HAUS8: variants seen among roughly 807,000 people sequenced by gnomAD.
The protein encoded by HAUS8 is HAUS augmin-like complex subunit 8.
A neutral mutation model predicts 42.9 loss-of-function variants in HAUS8; 38 were observed. That is an observed-to-expected ratio of 0.89 (90% CI 0.68 to 1.16). The LOEUF (loss-of-function observed/expected upper bound fraction) is 1.16, where lower values mean the gene tolerates loss of function less well. Among genes scored for constraint, HAUS8 ranks in the 50% most tolerant of loss-of-function variants. HAUS8 has a pLI of 0.00. For missense variants in HAUS8, 494 were observed against 511.6 expected, an observed-to-expected ratio of 0.97 and a Z score of 0.33; for synonymous variants, 199 against 205.8, an observed-to-expected ratio of 0.97 and a Z score of 0.28.
rs889723027 is a variant in HAUS8 at position 17,068,099 on chromosome 19, C to CTTTTT, written c.147+927_147+931dup. Among the ~76,000 whole-genome samples, 53 of 93,512 alleles carry CTTTTT rather than the reference C, an allele frequency of 5.7e-4. 1 individual carries two copies. The highest frequency in any genetic ancestry group is 7.2e-4 in the Non-Finnish European group (34 of 47,534). 61.3% of individuals were successfully genotyped at this position (93,512 alleles called of 152,430 possible). ...TAAAAACCTGTTTTTTTATTTTATT[C>CTTTTT]TTTTTTTTTTTTTTTTTTTTTTTTG... On this transcript the variant is annotated intron_variant, in intron 3 of 10. Transcript: ENST00000253669.
intron 4 of HAUS8, among the ~76,000 whole-genome samples, chr19:17,061,645 G>A (rs757073197): frequency 6.6e-6 from 1 of 152,182 alleles, no homozygotes; most frequent in African/African-American, 2.4e-5. Flanking sequence ...CTTCCTTGCG[G>A]TGGTGGGGGT....
chr19:17,052,752 C>T, intron 10 of HAUS8, 73 bp downstream of exon 10: 1 of 1,546,254 alleles, frequency 6.5e-7, no homozygotes, highest in Non-Finnish European at 8.9e-7. Flanking sequence ...TCGGCACCAC[C>T]CCAACAGTGC....
intron 2 of HAUS8, among the ~76,000 whole-genome samples, chr19:17,072,648 T>C (rs2057434400): frequency 6.6e-6 from 1 of 150,960 alleles, no homozygotes. Flanking sequence ...CCACATTTCC[T>C]TTTTTTTTGT....
intron 4 of HAUS8, among the ~76,000 whole-genome samples, chr19:17,062,274 G>T (rs2057365392): frequency 6.6e-6 from 1 of 152,166 alleles, no homozygotes; most frequent in African/African-American, 2.4e-5. Flanking sequence ...TGGGATTATA[G>T]GCGTGTGCCA....
In HAUS8 at chr19:17,075,427, C is replaced by T. The variant is rs747244854; in HGVS notation, c.-5G>A. ...TCGCCCCGAGGAATCCGCCATTTTC[C>T]CGCCTTCCACCTCAAGGCCCGACCC... On this transcript the variant is annotated 5_prime_UTR_variant, in exon 1 of 11. Transcript: ENST00000253669. The T allele has an allele frequency of 5.6e-6, 9 of 1,613,786 alleles. 1 individual carries two copies. The South Asian group carries it at 8.8e-5, about 16-fold the overall frequency.
chr19:17,051,868 T>G (rs961948573), intron 10 of HAUS8: 1 of 151,640 alleles, frequency 6.6e-6, no homozygotes, highest in Non-Finnish European at 1.5e-5. Context: ...AGGCCCGGCA[T>G]GGTGGCTCAC....
chr19:17,075,475 C>T, upstream of HAUS8: 1 of 1,604,828 alleles, frequency 6.2e-7, no homozygotes, highest in Non-Finnish European at 8.5e-7. Context: ...AAGCCGGACC[C>T]GCCCCCTTGC....
chr19:17,064,703 T>C (rs2057378210), intron 3 of HAUS8, among the ~76,000 whole-genome samples: 1 of 152,176 alleles, frequency 6.6e-6, no homozygotes. Context: ...CATCACACCA[T>C]ACACAAAAAC....
At chr19:17,063,473 G>C (rs76557628) in intron 3 of HAUS8, among the ~76,000 whole-genome samples, 5,411 of 152,306 alleles carry the variant, frequency 0.036, 140 homozygotes, top group Non-Finnish European at 0.058. Context: ...TCTTACAAAC[G>C]TAATTTTTCA....
chr19:17,073,464 AG>A, intron 1 of HAUS8, 129 bp from the exon 2 acceptor site: 1 of 831,136 alleles, frequency 1.2e-6, no homozygotes, highest in Non-Finnish European at 2.1e-6. Context: ...AATTTCAGTG[AG>A]GGTGGGCCAC....
At chr19:17,074,110 T>C (rs1035523293) in intron 1 of HAUS8, 6 of 152,020 alleles carry the variant, frequency 3.9e-5, no homozygotes, top group African/African-American at 1.2e-4. Context: ...GCTGTGGGGG[T>C]GCAGGAGAGG....
rs150603801 is a variant in HAUS8 at position 17,060,890 on chromosome 19, G to C, written c.230-798C>G. ...AGGAGTGCTGCAGATGCCAACAGAT[G>C]GCACGTACGGTATGTTGTGTTAGGA... On this transcript the variant is annotated intron_variant, in intron 4 of 10. Transcript: ENST00000253669. 3.6e-3 allele frequency among the ~76,000 whole-genome samples: 546 copies of C among 152,296 alleles called. 1 individual carries two copies. Among genetic ancestry groups the C allele is most frequent in the African/African-American group, 0.013 (536 of 41,554 alleles).
chr19:17,066,752 G>A (rs1035692368), intron 3 of HAUS8, among the ~76,000 whole-genome samples: 1 of 152,080 alleles, frequency 6.6e-6, no homozygotes, highest in Non-Finnish European at 1.5e-5. Context: ...TCCTCCTCCT[G>A]GGAGAAATAA....
At chr19:17,056,288 G>A (rs1049115020) in intron 8 of HAUS8, among the ~76,000 whole-genome samples, 3 of 152,142 alleles carry the variant, frequency 2.0e-5, no homozygotes, top group African/African-American at 7.2e-5. Flanking sequence ...CTAAACGCCT[G>A]CCTTCCACAA....
At chr19:17,068,910 A>C in intron 3 of HAUS8, 121 bp downstream of exon 3, 1 of 830,436 alleles carries the variant, frequency 1.2e-6, no homozygotes, top group East Asian at 2.7e-5. Flanking sequence ...ACCTGAGTGA[A>C]GATCCCAAAA....
intron 3 of HAUS8, 108 bp downstream of exon 3, chr19:17,068,923 C>G: frequency 1.0e-6 from 1 of 955,080 alleles, no homozygotes; most frequent in Non-Finnish European, 1.7e-6. Context: ...TCCCAAAATG[C>G]TTCCTTCAGG....
rs1213881814 is a variant in HAUS8, at chr19:17,069,125, A to G, written c.92-39T>C. The G allele has an allele frequency of 7.6e-6, 12 of 1,584,662 alleles. No homozygotes were observed. The East Asian group carries it at 2.2e-4, about 30-fold the overall frequency. ...CTGTTGGTGCACAACAAAACTACAA[A>G]GGACCGAAGACCCCACACACCCAGA... On this transcript the variant is annotated intron_variant, in intron 2 of 10. Transcript: ENST00000253669.
chr19:17,072,855 C>T lies in HAUS8; in HGVS notation c.91+419G>A, dbSNP rs192876347. The stretch of plus-strand genomic sequence containing the variant: ...TTTAGGCCGGGGGCAGTGGTTAATG[C>T]CTGTAATCCCAACACTTTGGGAGGC... On this transcript the variant is annotated intron_variant, in intron 2 of 10. Coordinates refer to ENST00000253669, the MANE Select transcript of HAUS8 (RefSeq NM_033417.2). 2.7e-3 allele frequency among the ~76,000 whole-genome samples: 402 copies of T among 150,784 alleles called. 1 individual carries two copies. The highest frequency in any genetic ancestry group is 4.2e-3 in the Non-Finnish European group (285 of 67,832).
intron 3 of HAUS8, among the ~76,000 whole-genome samples, 189 bp downstream of exon 3, chr19:17,068,842 T>C (rs2057403698): frequency 6.6e-6 from 1 of 152,144 alleles, no homozygotes; most frequent in Non-Finnish European, 1.5e-5. Context: ...CTTATAGCCA[T>C]GAGCCGTCGA....
Sources: gnomAD v4.1 joint callset for allele counts (sites outside exome capture counted in the v4.1 genomes callset) on GRCh38, gnomAD v4.1.1 for gene constraint, MANE v1.5 for transcripts, NCBI Gene and HGNC (gene_info 2026-07-23, HGNC 2026-07-21) for gene names.